ENTREP2: variants seen among roughly 807,000 people sequenced by gnomAD.
ENTREP2 encodes protein ENTREP2.
At chr15:29,318,032 T>C in the ENTREP2 span, among the ~76,000 whole-genome samples, 4 of 152,138 alleles carry the variant, frequency 2.6e-5, no homozygotes, top group African/African-American at 9.7e-5. Context: ...AAAACACTCC[T>C]GATTAGAGGT....
chr15:29,440,411 A>G, the ENTREP2 span, among the ~76,000 whole-genome samples: 1 of 152,190 alleles, frequency 6.6e-6, no homozygotes, highest in African/African-American at 2.4e-5. Flanking sequence ...TGCATATCAT[A>G]GAATAGTATG....
the ENTREP2 span, among the ~76,000 whole-genome samples, chr15:29,338,612 AG>A: frequency 6.6e-6 from 1 of 151,618 alleles, no homozygotes; most frequent in Admixed American, 6.6e-5. Context: ...TGTCTGGAAG[AG>A]CTCCTCGGCC....
At chr15:29,428,633 G>T in the ENTREP2 span, among the ~76,000 whole-genome samples, 1 of 151,880 alleles carries the variant, frequency 6.6e-6, no homozygotes, top group Non-Finnish European at 1.5e-5. Context: ...TAAAAGGCCA[G>T]TCCTCTTAGT....
the ENTREP2 span, chr15:29,268,430 G>T: frequency 4.3e-6 from 1 of 229,888 alleles, no homozygotes. Flanking sequence ...GGGGTAGTTA[G>T]GAGACCTGAT....
At chr15:29,583,410 T>C in the ENTREP2 span, among the ~76,000 whole-genome samples, 1 of 152,112 alleles carries the variant, frequency 6.6e-6, no homozygotes, top group Non-Finnish European at 1.5e-5. Flanking sequence ...AACATGCATG[T>C]TCTTACTTAC....
chr15:29,527,827 C>A, the ENTREP2 span, among the ~76,000 whole-genome samples: 2 of 152,086 alleles, frequency 1.3e-5, no homozygotes, highest in Non-Finnish European at 2.9e-5. Context: ...AAAGTAAGCC[C>A]CCCTCAGTAA....
chr15:29,350,223 A>G, the ENTREP2 span, among the ~76,000 whole-genome samples: 1 of 152,096 alleles, frequency 6.6e-6, no homozygotes, highest in Non-Finnish European at 1.5e-5. Context: ...TGGGTTTTCT[A>G]TTTCTTCTTA....
At chr15:29,318,521 C>T in the ENTREP2 span, among the ~76,000 whole-genome samples, 123 of 152,164 alleles carry the variant, frequency 8.1e-4, 1 homozygote, top group East Asian at 5.2e-3. Context: ...GGGGTTTCAC[C>T]GTGTTAGCCA....
the ENTREP2 span, among the ~76,000 whole-genome samples, chr15:29,657,785 A>G: frequency 1.3e-5 from 2 of 152,192 alleles, no homozygotes; most frequent in African/African-American, 4.8e-5. Flanking sequence ...AGACCCAGGA[A>G]GTCCAACTGG....
the ENTREP2 span, among the ~76,000 whole-genome samples, chr15:29,387,358 T>C: frequency 4.0e-4 from 61 of 152,220 alleles, no homozygotes; most frequent in Admixed American, 1.7e-3. Context: ...ATGAGTGAAC[T>C]CCCATTCACA....
chr15:29,463,773 T>A, the ENTREP2 span, among the ~76,000 whole-genome samples: 1 of 152,146 alleles, frequency 6.6e-6, no homozygotes, highest in South Asian at 2.1e-4. Flanking sequence ...CACAGCAGGA[T>A]TACTCACAGT....
the ENTREP2 span, among the ~76,000 whole-genome samples, chr15:29,152,022 C>T: frequency 2.6e-5 from 4 of 152,148 alleles, no homozygotes; most frequent in Non-Finnish European, 4.4e-5. Context: ...GAAACACATT[C>T]GTTTATTCCG....
the ENTREP2 span, among the ~76,000 whole-genome samples, chr15:29,334,838 T>C: frequency 2.0e-5 from 3 of 152,286 alleles, no homozygotes; most frequent in South Asian, 4.2e-4. Context: ...GTAGCAAGTA[T>C]CACTCACGTG....
the ENTREP2 span, among the ~76,000 whole-genome samples, chr15:29,398,011 C>T: frequency 1.3e-5 from 2 of 151,594 alleles, no homozygotes; most frequent in Middle Eastern, 3.2e-3. Context: ...TATTTAACTC[C>T]TTCCCCCTCA....
At chr15:29,535,500 G>A in the ENTREP2 span, among the ~76,000 whole-genome samples, 58 of 152,200 alleles carry the variant, frequency 3.8e-4, 1 homozygote, top group East Asian at 0.011. Context: ...AGACTAGCCT[G>A]GTGAGACCCT....
the ENTREP2 span, among the ~76,000 whole-genome samples, chr15:29,258,814 G>A: frequency 6.6e-6 from 1 of 152,112 alleles, no homozygotes; most frequent in South Asian, 2.1e-4. Flanking sequence ...CTCTAGATAT[G>A]TTACATACGG....
At chr15:29,614,247 GA>G in the ENTREP2 span, 2 of 156,564 alleles carry the variant, frequency 1.3e-5, no homozygotes, top group African/African-American at 4.8e-5. Flanking sequence ...AGAACAACAT[GA>G]ATGACTTCAT....
chr15:29,206,857 T>C, the ENTREP2 span, among the ~76,000 whole-genome samples: 1 of 152,282 alleles, frequency 6.6e-6, no homozygotes, highest in African/African-American at 2.4e-5. Context: ...AATTACTAAC[T>C]CATTTAGTTT....
chr15:29,119,862 G>A, the ENTREP2 span, among the ~76,000 whole-genome samples: 1 of 152,194 alleles, frequency 6.6e-6, no homozygotes, highest in East Asian at 1.9e-4. Flanking sequence ...GGACAAGGCG[G>A]GGAAGCAGGT....
Sources: gnomAD v4.1 joint callset for allele counts (sites outside exome capture counted in the v4.1 genomes callset) on GRCh38, gnomAD v4.1.1 for gene constraint, MANE v1.5 for transcripts, NCBI Gene and HGNC (gene_info 2026-07-23, HGNC 2026-07-21) for gene names.